Variants in UQCRC1 observed in about 807,000 individuals in gnomAD.
UQCRC1 encodes cytochrome b-c1 complex subunit 1, mitochondrial.
UQCRC1 carries 34 observed loss-of-function variants against 58.0 expected under a neutral mutation model. The observed-to-expected ratio is 0.59, with a 90% CI of 0.45 to 0.78. UQCRC1 has a LOEUF of 0.78. UQCRC1 is among the 30% of genes least tolerant of loss of function. The pLI is 0.00. For missense variants in UQCRC1, 610 were observed against 646.0 expected (o/e 0.94, Z 0.60); for synonymous variants, 276 against 248.8 (o/e 1.11, Z -1.03).
chr3:48,603,701 A>C, intron 5 of UQCRC1, 58 bp from the exon 6 acceptor site: 1 of 1,520,320 alleles, frequency 6.6e-7, no homozygotes. Context: ...GAGTTGGGGT[A>C]CATGCATGAA....
Position 48,604,378 on chromosome 3 carries a change from T to C in UQCRC1, c.481A>G (p.Ile161Val). 1 of 1,614,208 alleles carries C rather than the reference T, an allele frequency of 6.2e-7. No individual in the cohort carries two copies. Among genetic ancestry groups the C allele is most frequent in the Non-Finnish European group, 8.5e-7 (1 of 1,180,048 alleles). ...AGGATCACATCACGTTCCTTCTCAA[T>C]CTGTGAGTCTTCCAGACTACAGTTC... is the stretch of plus-strand genomic sequence containing the variant. The part of the protein sequence containing the change: ...VQNCSLEDSQ[I>V]EKERDVILRE... The change falls in exon 5 of 13, where the codon ATT (isoleucine) becomes GTT (valine). Residue 161 changes from isoleucine to valine, a missense_variant. Ile to Val is a conservative substitution (Grantham distance 29). Transcript: ENST00000203407.
At position 48,601,374 on chromosome 3, in the gene UQCRC1, G is replaced by C. The variant is rs149245457; in HGVS notation, c.800C>G (p.Pro267Arg). 1,392 of 1,614,210 alleles carry C rather than the reference G, an allele frequency of 8.6e-4. 34 individuals are homozygous for C. The East Asian group carries it at 0.024, about 28-fold the overall frequency. ...TACCTCACTGCCAGTGAAGCGGCAT[G>C]GAGTAAGAGTGGGCACAGCGTCCTC... ...YAEDAVPTLT[P>R]CRFTGSEIRH... The change falls in exon 7 of 13, where the codon CCA becomes CGA. Residue 267 changes from proline to arginine, a missense_variant. By Grantham distance (103) the Pro-to-Arg change is moderately radical (BLOSUM62 -2). Coordinates refer to ENST00000203407, the MANE Select transcript of UQCRC1 (RefSeq NM_003365.3).
chr3:48,601,294 TG>T (rs2046363016), intron 7 of UQCRC1, 57 bp downstream of exon 7: 3 of 1,592,408 alleles, frequency 1.9e-6, no homozygotes, highest in Middle Eastern at 1.7e-4. Context: ...ACCATGCACA[TG>T]GGGGTCCTCC....
At position 48,609,624 on chromosome 3, in the gene UQCRC1, C is replaced by A. The variant is rs1393924445; in HGVS notation, c.-4G>T. 6.4e-7 allele frequency: 1 copy of A among 1,565,824 alleles called. No individual in the cohort carries two copies. ...GACAGACCACGGACGCCGCCATCTT[C>A]CAGCTGCAGTCGGCCCTGTTGCGCC... On this transcript the variant is annotated 5_prime_UTR_variant, in exon 1 of 13. Coordinates refer to ENST00000203407, the MANE Select transcript of UQCRC1 (RefSeq NM_003365.3).
intron 2 of UQCRC1, 91 bp from the exon 3 acceptor site, chr3:48,605,947 G>A: frequency 7.9e-7 from 1 of 1,265,590 alleles, no homozygotes; most frequent in Non-Finnish European, 1.1e-6. Flanking sequence ...ACAAGCCCCA[G>A]GCAGGGACTT....
At chr3:48,603,762 C>T in intron 5 of UQCRC1, 119 bp from the exon 6 acceptor site, 1 of 921,778 alleles carries the variant, frequency 1.1e-6, no homozygotes, top group East Asian at 2.6e-5. Context: ...GAAGAGTGGG[C>T]CCTAGCACAC....
intron 5 of UQCRC1, among the ~76,000 whole-genome samples, 197 bp from the exon 6 acceptor site, chr3:48,603,840 C>T (rs1273120874): frequency 2.0e-5 from 3 of 151,656 alleles, no homozygotes; most frequent in Non-Finnish European, 4.4e-5. Flanking sequence ...CCTTGTCTGC[C>T]CTTGCCTCAT....
intron 7 of UQCRC1, 110 bp from the exon 8 acceptor site, chr3:48,601,228 C>A (rs1290770001): frequency 5.2e-6 from 8 of 1,527,804 alleles, no homozygotes; most frequent in Non-Finnish European, 7.1e-6. Context: ...GCCTGTGATG[C>A]AGCAGCCACA....
Position 48,601,384 on chromosome 3 carries a change from T to C in UQCRC1, c.790A>G (p.Thr264Ala), listed in dbSNP as rs775916871. Residue 264 changes from threonine to alanine, a missense_variant, in exon 7 of 13, where the codon ACT (threonine) becomes GCT (alanine). Thr to Ala is a moderately conservative substitution (Grantham distance 58). Transcript: ENST00000203407. ...CCAGTGAAGCGGCATGGAGTAAGAGTGGGCACAGCGTCCTCTGCATATGTC... is the reference window on the plus strand; with the variant it reads ...CCAGTGAAGCGGCATGGAGTAAGAGCGGGCACAGCGTCCTCTGCATATGTC... ...PWTYAEDAVP[T>A]LTPCRFTGSE... 6.2e-7 allele frequency: 1 copy of C among 1,613,718 alleles called. No individual in the cohort carries two copies. Among genetic ancestry groups the C allele is most frequent in the Non-Finnish European group, 8.5e-7 (1 of 1,179,966 alleles).
intron 2 of UQCRC1, among the ~76,000 whole-genome samples, chr3:48,607,975 C>T (rs2046429688): frequency 6.6e-6 from 1 of 152,152 alleles, no homozygotes; most frequent in East Asian, 1.9e-4. Flanking sequence ...CAGGCGTGTG[C>T]CATGCATGGC....
intron 2 of UQCRC1, among the ~76,000 whole-genome samples, chr3:48,608,408 G>C (rs956778666): frequency 3.3e-5 from 5 of 152,230 alleles, no homozygotes; most frequent in African/African-American, 1.2e-4. Flanking sequence ...TCTGGCACTG[G>C]AGCACAGACA....
intron 2 of UQCRC1, 85 bp downstream of exon 2, chr3:48,609,077 C>A: frequency 6.6e-7 from 1 of 1,521,384 alleles, no homozygotes; most frequent in Non-Finnish European, 8.9e-7. Flanking sequence ...AACGGGAAGA[C>A]TCGAGCCCAA....
At chr3:48,603,939 G>A (rs374751960) in intron 5 of UQCRC1, 22 of 583,314 alleles carry the variant, frequency 3.8e-5, no homozygotes, top group Admixed American at 1.2e-4. Context: ...CAAAGCTCCC[G>A]GAGCCATCCA....
intron 2 of UQCRC1, among the ~76,000 whole-genome samples, chr3:48,607,120 C>A (rs2046420685): frequency 6.6e-6 from 1 of 152,016 alleles, no homozygotes; most frequent in Non-Finnish European, 1.5e-5. Context: ...TGGCTCACTG[C>A]AAGCTCTGCC....
In UQCRC1 at chr3:48,599,082, G is replaced by C; in HGVS notation, c.*46C>G. ...AGTGCTGTGTTTGTGGTGGGGGGGG[G>C]ACCACAAACCCCGGCCCTGCCCTCT... is the stretch of plus-strand genomic sequence containing the variant. On this transcript the variant is annotated 3_prime_UTR_variant, in exon 13 of 13. Transcript: ENST00000203407. 1 of 1,602,826 alleles carries C rather than the reference G, an allele frequency of 6.2e-7. No individual in the cohort carries two copies. Among genetic ancestry groups the C allele is most frequent in the South Asian group, 1.1e-5 (1 of 90,342 alleles).
intron 2 of UQCRC1, 33 bp downstream of exon 2, chr3:48,609,129 G>A (rs1207327596): frequency 1.3e-6 from 2 of 1,582,398 alleles, no homozygotes; most frequent in Admixed American, 3.5e-5. Flanking sequence ...GCCCAACCTG[G>A]AGGCCCTCTC....
intron 6 of UQCRC1, among the ~76,000 whole-genome samples, chr3:48,602,196 G>A (rs904162908): frequency 4.6e-5 from 7 of 151,684 alleles, no homozygotes; most frequent in Admixed American, 1.3e-4. Context: ...GACTATAGGC[G>A]CCCGCCACCA....
chr3:48,599,156 C>G lies in UQCRC1; in HGVS notation c.1415G>C (p.Arg472Pro). Residue 472 changes from arginine to proline, a missense_variant, in exon 13 of 13, where the codon CGT (arginine) becomes CCT (proline). Arg to Pro is a moderately radical substitution (Grantham distance 103). Transcript: ENST00000203407. ...GAAGCGCAGCCAGAACATGCCGCTA[C>G]GGATCCGGTTGTAGTCTGGGAGCTG... ...IEQLPDYNRI[R>P]SGMFWLRF is the part of the protein sequence containing the mutation. 3 of 1,611,430 alleles carry G rather than the reference C, an allele frequency of 1.9e-6. No individual in the cohort carries two copies. Among genetic ancestry groups the G allele is most frequent in the Non-Finnish European group, 2.5e-6 (3 of 1,178,426 alleles).
In UQCRC1 at chr3:48,604,239, T is replaced by TTC. The variant is rs1239717319; in HGVS notation, c.618_619dup (p.Asn207ArgfsTer11). The TTC allele has an allele frequency of 6.2e-7, 1 of 1,612,392 alleles. No homozygotes were observed. The highest frequency in any genetic ancestry group is 1.7e-5 in the Admixed American group (1 of 60,016). On this transcript the variant is annotated frameshift_variant, in exon 5 of 13. Transcript: ENST00000203407. LOFTEE classifies it high-confidence loss of function. Reference sequence around the variant, plus strand: ...AAGGCCAGCCAACTCTCACCTGACATTCTCACTGGGCCCCTCCACAGCCTG... The same window carrying TTC: ...AAGGCCAGCCAACTCTCACCTGACATTCTCTCACTGGGCCCCTCCACAGCCTG...
Sources: gnomAD v4.1 joint callset for allele counts (sites outside exome capture counted in the v4.1 genomes callset) on GRCh38, gnomAD v4.1.1 for gene constraint, MANE v1.5 for transcripts, NCBI Gene and HGNC (gene_info 2026-07-23, HGNC 2026-07-21) for gene names.